The following NPSR1 variants were observed in gnomAD, a reference collection of about 807,000 sequenced individuals.
NPSR1 encodes the protein neuropeptide S receptor.
A neutral mutation model predicts 46.9 loss-of-function variants in NPSR1; 48 were observed. That is an observed-to-expected ratio of 1.02 (90% CI 0.81 to 1.30). NPSR1 has a LOEUF of 1.30. NPSR1 is among the 50% of genes most tolerant of loss of function. The probability of loss-of-function intolerance (pLI) is 0.00; values close to 1 mark genes in which losing one functional copy is unlikely to be tolerated. For missense variants in NPSR1, 450 were observed against 449.5 expected (o/e 1.00, Z -0.01); for synonymous variants, 176 against 168.1 (o/e 1.05, Z -0.36).
intron 6 of NPSR1, 108 bp downstream of exon 6, chr7:34,834,568 C>T: frequency 1.2e-6 from 1 of 809,244 alleles, no homozygotes; most frequent in African/African-American, 1.7e-5. Flanking sequence ...CATACAGGAT[C>T]ATATCAGGAC....
intron 2 of NPSR1, among the ~76,000 whole-genome samples, chr7:34,690,478 A>C (rs1377964335): frequency 1.3e-5 from 2 of 152,160 alleles, no homozygotes; most frequent in African/African-American, 4.8e-5. Context: ...ATCCAAGAAA[A>C]AATTGAAAAC....
At chr7:34,802,792 G>A (rs1788485567) in intron 3 of NPSR1, among the ~76,000 whole-genome samples, 2 of 150,364 alleles carry the variant, frequency 1.3e-5, no homozygotes, top group East Asian at 1.9e-4. Context: ...CTACAAAATG[G>A]GAGACAATTT....
intron 1 of NPSR1, chr7:34,660,129 C>T (rs1248664237): frequency 2.2e-6 from 1 of 456,742 alleles, no homozygotes; most frequent in South Asian, 1.5e-5. Flanking sequence ...CTAGCAACAT[C>T]ATCGCCAGAC....
intron 8 of NPSR1, among the ~76,000 whole-genome samples, chr7:34,864,451 C>A (rs1381846549): frequency 6.6e-6 from 1 of 151,110 alleles, no homozygotes; most frequent in African/African-American, 2.4e-5. Flanking sequence ...AATATAAACT[C>A]CTTCTCATCA....
At chr7:34,751,156 A>G (rs935529880) in intron 2 of NPSR1, 2 of 961,452 alleles carry the variant, frequency 2.1e-6, no homozygotes, top group Non-Finnish European at 3.4e-6. Flanking sequence ...AGGGTCCTGA[A>G]GGTGAGCATA....
chr7:34,804,499 A>G (rs555839996), intron 3 of NPSR1, among the ~76,000 whole-genome samples: 1 of 152,268 alleles, frequency 6.6e-6, no homozygotes, highest in South Asian at 2.1e-4. Context: ...AAAACTCAGC[A>G]AACTGGAAAC....
chr7:34,684,848 T>C (rs1448873566), intron 2 of NPSR1, among the ~76,000 whole-genome samples, 164 bp downstream of exon 2: 1 of 152,244 alleles, frequency 6.6e-6, no homozygotes, highest in Non-Finnish European at 1.5e-5. Context: ...TCCTCTGGCA[T>C]ACTTAACACA....
chr7:34,796,386 G>A (rs1024583583), intron 3 of NPSR1, among the ~76,000 whole-genome samples: 1 of 152,004 alleles, frequency 6.6e-6, no homozygotes, highest in African/African-American at 2.4e-5. Flanking sequence ...AGGCAAATGA[G>A]AAGCAAACCA....
At chr7:34,686,880 A>AC (rs1224273546) in intron 2 of NPSR1, among the ~76,000 whole-genome samples, 1 of 149,782 alleles carries the variant, frequency 6.7e-6, no homozygotes, top group African/African-American at 2.5e-5. Flanking sequence ...TTTTCTCAGA[A>AC]CATTCAGCTG....
intron 4 of NPSR1, among the ~76,000 whole-genome samples, chr7:34,827,049 C>T (rs1789889288): frequency 6.6e-6 from 1 of 152,180 alleles, no homozygotes; most frequent in Admixed American, 6.5e-5. Flanking sequence ...AGACACAACT[C>T]AGCATTTGCA....
intron 2 of NPSR1, among the ~76,000 whole-genome samples, chr7:34,762,165 A>T: frequency 6.6e-6 from 1 of 152,218 alleles, no homozygotes; most frequent in Non-Finnish European, 1.5e-5. Context: ...GTAACTTGTT[A>T]AGACTAATTG....
chr7:34,793,211 G>T (rs183298520), intron 3 of NPSR1, among the ~76,000 whole-genome samples: 6 of 151,930 alleles, frequency 3.9e-5, no homozygotes, highest in African/African-American at 1.2e-4. Flanking sequence ...AAATGGGATT[G>T]CAGGAAACTA....
At chr7:34,801,576 A>G (rs1788415120) in intron 3 of NPSR1, among the ~76,000 whole-genome samples, 1 of 141,742 alleles carries the variant, frequency 7.1e-6, no homozygotes. Flanking sequence ...TCTCAAAATA[A>G]TAAGAGCTAT....
intron 2 of NPSR1, among the ~76,000 whole-genome samples, chr7:34,704,654 C>T (rs186870433): frequency 9.2e-5 from 14 of 152,280 alleles, no homozygotes; most frequent in Admixed American, 8.5e-4. Flanking sequence ...CCCACAGTTT[C>T]TTGTGTTGAC....
intron 5 of NPSR1, among the ~76,000 whole-genome samples, chr7:34,831,332 CA>C: frequency 6.6e-6 from 1 of 151,974 alleles, no homozygotes; most frequent in East Asian, 1.9e-4. Context: ...CACACACACA[CA>C]CACACACAAA....
intron 3 of NPSR1, 96 bp from the exon 4 acceptor site, chr7:34,811,674 C>G: frequency 1.3e-6 from 1 of 793,580 alleles, no homozygotes; most frequent in South Asian, 1.8e-5. Flanking sequence ...TGGTTCACCT[C>G]TCAGATTTCT....
chr7:34,679,175 A>G (rs146074251), intron 1 of NPSR1, among the ~76,000 whole-genome samples: 1 of 152,322 alleles, frequency 6.6e-6, no homozygotes, highest in East Asian at 1.9e-4. Flanking sequence ...AACACAAATG[A>G]CAAAGAAAAT....
chr7:34,796,505 A>G (rs570821236), intron 3 of NPSR1, among the ~76,000 whole-genome samples: 22 of 152,334 alleles, frequency 1.4e-4, no homozygotes, highest in African/African-American at 4.6e-4. Flanking sequence ...ATCTGATTTT[A>G]AAATGGTCAA....
At chr7:34,675,001 C>A (rs1246136006) in intron 1 of NPSR1, among the ~76,000 whole-genome samples, 2 of 152,234 alleles carry the variant, frequency 1.3e-5, no homozygotes, top group African/African-American at 2.4e-5. Context: ...CAGAAAACTA[C>A]TAGAGTAAGC....
Sources: gnomAD v4.1 joint callset for allele counts (sites outside exome capture counted in the v4.1 genomes callset) on GRCh38, gnomAD v4.1.1 for gene constraint, MANE v1.5 for transcripts, NCBI Gene and HGNC (gene_info 2026-07-23, HGNC 2026-07-21) for gene names.